INF2: variants seen among roughly 807,000 people sequenced by gnomAD.
INF2 encodes inverted formin 2, also known as inverted formin-2.
Under a neutral mutation model 123.5 loss-of-function variants are expected in INF2, and 43 were observed. The ratio of observed to expected loss-of-function variants is 0.35; its 90% confidence interval spans 0.27 to 0.45. The LOEUF (loss-of-function observed/expected upper bound fraction) is 0.45. Ranked by LOEUF, INF2 falls within the 20% of genes least tolerant of loss-of-function variation. The pLI is 1.00. For missense variants in INF2, 1,453 were observed against 1,682.7 expected (o/e 0.86, Z 2.39); for synonymous variants, 851 against 745.0 (o/e 1.14, Z -2.32).
chr14:104,702,198 C>A lies in INF2; in HGVS notation c.391+442C>A, dbSNP rs1318411507. Among the ~76,000 whole-genome samples, 6 of 152,250 alleles carry A rather than the reference C, an allele frequency of 3.9e-5. 1 individual carries two copies. In the East Asian group the frequency reaches 1.2e-3, roughly 29 times the overall value. ...TCAGCCCAGACAGAGCCCTTGAGGT[C>A]TGGCCCACACCTACTGATGGTGTCA... On this transcript the variant is annotated intron_variant, in intron 2 of 22. Coordinates refer to ENST00000392634, the MANE Select transcript of INF2 (RefSeq NM_022489.4).
Position 104,711,625 on chromosome 14 carries a change from G to A in INF2, c.2419-4G>A. ...TGGATCTCACTGGACGTGTCCCATT[G>A]CAGGAAGCGGAAAAGAGCCACCCCG... On this transcript the variant is annotated splice_polypyrimidine_tract_variant and splice_region_variant and intron_variant, in intron 15 of 22. Coordinates refer to ENST00000392634, the MANE Select transcript of INF2 (RefSeq NM_022489.4). 6.2e-7 allele frequency: 1 copy of A among 1,612,474 alleles called. No individual in the cohort carries two copies. Among genetic ancestry groups the A allele is most frequent in the Non-Finnish European group, 8.5e-7 (1 of 1,179,656 alleles).
intron 1 of INF2, chr14:104,690,676 C>T (rs1479622917): frequency 6.6e-6 from 1 of 152,364 alleles, no homozygotes; most frequent in African/African-American, 2.4e-5. Flanking sequence ...CCTGCCCCTC[C>T]GTCTGGCACT....
chr14:104,696,779 C>T (rs566564365), intron 1 of INF2, among the ~76,000 whole-genome samples: 2 of 152,260 alleles, frequency 1.3e-5, no homozygotes, highest in East Asian at 1.9e-4. Context: ...CTCCTAGTTC[C>T]GGAATCCTCT....
At position 104,714,539 on chromosome 14, in the gene INF2, G is replaced by A. The variant is rs1431929195; in HGVS notation, c.3377G>A (p.Ser1126Asn). Residue 1126 changes from serine (S) to asparagine (N), a missense_variant, in exon 21 of 23, where the codon AGT (serine) becomes AAT (asparagine). By Grantham distance (46) the Ser-to-Asn change is conservative. This residue lies in a region of INF2 where 344 missense variants were observed against 333.1 expected (regional missense o/e 1.03). Coordinates refer to ENST00000392634, the MANE Select transcript of INF2 (RefSeq NM_022489.4). ...FSSNQPPAAG[S>N]SRQDAKDPTS... ...AGCAACCAGCCCCCTGCAGCCGGAA[G>A]TTCAAGGCAAGATGCCAAGGATCCC... 1 of 1,612,782 alleles carries A rather than the reference G, an allele frequency of 6.2e-7. No homozygotes were observed. The highest frequency in any genetic ancestry group is 1.7e-5 in the Admixed American group (1 of 60,014).
exon 1 of INF2, chr14:104,681,455 C>A (rs1461849529): frequency 1.0e-5 from 7 of 687,470 alleles, no homozygotes; most frequent in Non-Finnish European, 1.6e-5. Flanking sequence ...GTCTAGGAGG[C>A]CTGATGTAGA....
At chr14:104,717,784 C>CTG (rs1890382176) in intron 22 of INF2, 4 of 152,230 alleles carry the variant, frequency 2.6e-5, no homozygotes, top group South Asian at 4.1e-4. Flanking sequence ...TGCACGAACA[C>CTG]CACGCTGTCT....
Position 104,706,190 on chromosome 14 carries a change from TG to T in INF2, c.843+15del. 6.4e-7 allele frequency: 1 copy of T among 1,558,768 alleles called. No homozygotes were observed. Among genetic ancestry groups the T allele is most frequent in the Non-Finnish European group, 8.7e-7 (1 of 1,151,082 alleles). On this transcript the variant is annotated intron_variant, in intron 6 of 22. Transcript: ENST00000392634. ...CTGTTCCACAAGGTGGGCTGGGGGC[TG>T]CAGGGCGGAGGGCAGCCCTCCAGGG...
At chr14:104,695,307 C>T (rs1452280484) in intron 1 of INF2, among the ~76,000 whole-genome samples, 1 of 152,276 alleles carries the variant, frequency 6.6e-6, no homozygotes, top group Middle Eastern at 3.4e-3. Flanking sequence ...TCCATGTAGC[C>T]GCTCGTCCCC....
intron 15 of INF2, 86 bp downstream of exon 15, chr14:104,711,272 G>T: frequency 3.4e-6 from 4 of 1,168,686 alleles, no homozygotes; most frequent in Non-Finnish European, 4.9e-6. Flanking sequence ...ATACCCCCAT[G>T]CCCACCACTC....
chr14:104,691,551 T>C (rs558355538), intron 1 of INF2, among the ~76,000 whole-genome samples: 11 of 152,212 alleles, frequency 7.2e-5, no homozygotes, highest in Non-Finnish European at 1.0e-4. Flanking sequence ...ACACATTACA[T>C]TGGAGAAGGC....
rs779924762 is a variant in INF2 at position 104,701,342 on chromosome 14, GC to G, written c.-9-12del. 1.5e-5 allele frequency: 24 copies of G among 1,561,368 alleles called. No individual in the cohort carries two copies. The African/African-American group carries it at 2.8e-4, about 19-fold the overall frequency. On this transcript the variant is annotated splice_polypyrimidine_tract_variant and intron_variant, in intron 1 of 22. Transcript: ENST00000392634. Reference sequence around the variant, plus strand: ...ATCCCCTCCCCGCTGACGGCTCCCTGCCCTCTGCCTGCAGCTCGGCAAGATG... The same window carrying G: ...ATCCCCTCCCCGCTGACGGCTCCCTGCCTCTGCCTGCAGCTCGGCAAGATG...
rs912951002 is a variant in INF2 at position 104,713,277 on chromosome 14, C to G, written c.2846C>G (p.Ala949Gly). 1.9e-5 allele frequency: 30 copies of G among 1,550,368 alleles called. No individual in the cohort carries two copies. The highest frequency in any genetic ancestry group is 2.5e-5 in the Non-Finnish European group (29 of 1,147,618). Residue 949 changes from alanine (A) to glycine (G), a missense_variant, in exon 19 of 23, where the codon GCG (alanine) becomes GGG (glycine). Transcript: ENST00000392634. ...RRKQQLAEEE[A>G]RRPRGEDGKP... ...AAGCAGCAGCTGGCGGAGGAGGAGG[C>G]GCGGCGGCCTCGGGGAGAGGACGGG...
intron 13 of INF2, chr14:104,710,671 C>T (rs1890009849): frequency 5.3e-6 from 3 of 561,772 alleles, no homozygotes; most frequent in South Asian, 2.2e-5. Context: ...CCATGGGGAC[C>T]TGCCACAGCC....
In INF2 at chr14:104,721,334, G is replaced by A. The variant is rs1010559793; in HGVS notation, c.*2541G>A. 7.1e-6 allele frequency: 1 copy of A among 140,954 alleles called. No individual in the cohort carries two copies. The highest frequency in any genetic ancestry group is 1.5e-5 in the Non-Finnish European group (1 of 66,020). The allele number at this position is 140,954 out of a possible 1,614,324, so 8.7% of individuals were successfully genotyped here. ...GGATGCTGCTGTGGACGTCTGCGTC[G>A]TCCTCGTGTGGATGCTGCTGTGGAC... On this transcript the variant is annotated 3_prime_UTR_variant, in exon 23 of 23. Coordinates refer to ENST00000392634, the MANE Select transcript of INF2 (RefSeq NM_022489.4).
At chr14:104,681,690 C>T in intron 1 of INF2, 1 of 952,226 alleles carries the variant, frequency 1.1e-6, no homozygotes, top group South Asian at 1.5e-5. Context: ...GCACAGGCCC[C>T]TGAGGTCCCG....
intron 1 of INF2, among the ~76,000 whole-genome samples, chr14:104,692,296 C>T (rs1038326738): frequency 2.0e-5 from 3 of 152,262 alleles, no homozygotes; most frequent in African/African-American, 7.2e-5. Flanking sequence ...TGCCATTTTA[C>T]ACTCAGTGCC....
Position 104,709,353 on chromosome 14 carries a change from A to G in INF2, c.2022A>G (p.Gln674=). The change falls in exon 11 of 23, where the codon CAA becomes CAG. Residue 674 remains glutamine (Q), a synonymous_variant. Coordinates refer to ENST00000392634, the MANE Select transcript of INF2 (RefSeq NM_022489.4). The stretch of plus-strand genomic sequence containing the variant: ...AGTTTGATGTGGAGGTTCTCAAACA[A>G]CTCCTTAAGCTCCTTCCCGAGAAGC... ...TTKFDVEVLK[Q]LLKLLPEKHE... is the part of the protein sequence containing the mutation. The G allele has an allele frequency of 6.2e-7, 1 of 1,612,752 alleles. No homozygotes were observed. Among genetic ancestry groups the G allele is most frequent in the Non-Finnish European group, 8.5e-7 (1 of 1,179,710 alleles).
At chr14:104,691,800 A>G (rs937068540) in intron 1 of INF2, among the ~76,000 whole-genome samples, 3 of 151,476 alleles carry the variant, frequency 2.0e-5, no homozygotes, top group African/African-American at 7.3e-5. Context: ...AGAGGCTTCC[A>G]CTCCTGCCAG....
At chr14:104,700,930 A>C (rs1318622770) in intron 1 of INF2, 1 of 908,458 alleles carries the variant, frequency 1.1e-6, no homozygotes, top group African/African-American at 1.8e-5. Flanking sequence ...GAGATAAGGC[A>C]GCCTCAGATG....
Sources: allele counts gnomAD v4.1 joint callset (sites outside exome capture counted in the v4.1 genomes callset), GRCh38; gene constraint gnomAD v4.1.1; regional missense constraint gnomAD v4.1.1; transcripts MANE v1.5; gene names NCBI Gene and HGNC (gene_info 2026-07-23, HGNC 2026-07-21).